Variants in ACTMAP observed in about 807,000 individuals in gnomAD.
The protein encoded by ACTMAP is UPF0692 protein C19orf54.
the ACTMAP span, chr19:40,744,894 A>G: frequency 1.2e-6 from 1 of 830,324 alleles, no homozygotes. Context: ...TCCTGGGAGG[A>G]GGAACCAAGG....
chr19:40,742,167 T>C, the ACTMAP span: 3 of 644,970 alleles, frequency 4.7e-6, no homozygotes, highest in South Asian at 1.5e-5. Flanking sequence ...CTCAAATGTC[T>C]AGTGAGATGA....
chr19:40,747,335 G>A, the ACTMAP span, among the ~76,000 whole-genome samples: 9 of 151,590 alleles, frequency 5.9e-5, no homozygotes, highest in Admixed American at 3.3e-4. Flanking sequence ...TCAGGAGTTC[G>A]AGACCAGCCT....
the ACTMAP span, chr19:40,742,144 A>G: frequency 1.7e-6 from 1 of 604,130 alleles, no homozygotes; most frequent in East Asian, 3.6e-5. Context: ...CAGAGGGCCC[A>G]GGCAGGAGGT....
At chr19:40,744,825 G>T in the ACTMAP span, 1 of 1,308,150 alleles carries the variant, frequency 7.6e-7, no homozygotes. Flanking sequence ...CTCCCCTTCA[G>T]GGGAGAGCCC....
At chr19:40,744,647 G>A in the ACTMAP span, 2 of 1,613,230 alleles carry the variant, frequency 1.2e-6, no homozygotes, top group Non-Finnish European at 1.7e-6. Context: ...GGGGCGACAG[G>A]AGAGTACCTG....
chr19:40,741,925 G>C, the ACTMAP span: 1 of 447,372 alleles, frequency 2.2e-6, no homozygotes, highest in Non-Finnish European at 4.5e-6. Context: ...TCTTCCCTGA[G>C]GTAGTGATAC....
the ACTMAP span, chr19:40,743,983 T>C: frequency 6.2e-7 from 1 of 1,614,038 alleles, no homozygotes. Context: ...TAGCTGGTGC[T>C]GGCATTAAGG....
At chr19:40,745,795 C>T in the ACTMAP span, among the ~76,000 whole-genome samples, 10 of 152,316 alleles carry the variant, frequency 6.6e-5, no homozygotes, top group African/African-American at 2.4e-4. Flanking sequence ...GCCTCAGCCT[C>T]CCGAGTAGCT....
At chr19:40,745,968 C>T in the ACTMAP span, among the ~76,000 whole-genome samples, 103 of 152,222 alleles carry the variant, frequency 6.8e-4, no homozygotes, top group African/African-American at 2.5e-3. Flanking sequence ...CCACCGTGCC[C>T]GACTCTTTTT....
chr19:40,744,531 T>C, the ACTMAP span: 7 of 1,611,760 alleles, frequency 4.3e-6, no homozygotes, highest in Non-Finnish European at 5.9e-6. Context: ...CATGAAGAGA[T>C]GATGGAGCAT....
the ACTMAP span, among the ~76,000 whole-genome samples, chr19:40,747,817 G>A: frequency 6.6e-6 from 1 of 152,122 alleles, no homozygotes. Flanking sequence ...AGTGAGCTGT[G>A]ATCCAGCTAC....
At chr19:40,743,053 C>A in the ACTMAP span, among the ~76,000 whole-genome samples, 2 of 152,096 alleles carry the variant, frequency 1.3e-5, no homozygotes, top group Admixed American at 6.6e-5. Flanking sequence ...ATCCTCAGCT[C>A]TTTAGGGAAG....
chr19:40,749,772 G>A, the ACTMAP span: 4 of 1,471,596 alleles, frequency 2.7e-6, no homozygotes, highest in Non-Finnish European at 2.7e-6. Flanking sequence ...AGAAATTGGT[G>A]GTTTTAGGGG....
At chr19:40,741,792 T>C in the ACTMAP span, 1 of 456,568 alleles carries the variant, frequency 2.2e-6, no homozygotes, top group Non-Finnish European at 4.4e-6. Flanking sequence ...GCACCCCCCT[T>C]ACAGGGTTGC....
At chr19:40,742,542 G>A in the ACTMAP span, 10 of 1,588,092 alleles carry the variant, frequency 6.3e-6, no homozygotes, top group African/African-American at 2.7e-5. Context: ...CCGTGAGGGC[G>A]AGAAGTCCGT....
the ACTMAP span, chr19:40,744,735 T>C: frequency 3.9e-6 from 6 of 1,544,392 alleles, no homozygotes; most frequent in Middle Eastern, 1.7e-4. Context: ...CCCCCTTACC[T>C]GGAAGCTGGA....
the ACTMAP span, chr19:40,743,858 C>T: frequency 2.7e-5 from 43 of 1,600,520 alleles, no homozygotes; most frequent in African/African-American, 1.6e-4. Flanking sequence ...TAATGGAGGC[C>T]GGGGAGACCC....
chr19:40,741,648 G>C, the ACTMAP span: 1 of 446,592 alleles, frequency 2.2e-6, no homozygotes, highest in South Asian at 1.6e-5. Flanking sequence ...CAGGGAGCCA[G>C]GAGACAGCCT....
chr19:40,749,899 T>A, the ACTMAP span: 1 of 1,027,396 alleles, frequency 9.7e-7, no homozygotes, highest in Non-Finnish European at 1.3e-6. Flanking sequence ...TTTAAAGGTT[T>A]AAGAGCTGAG....
Sources: allele counts gnomAD v4.1 joint callset (sites outside exome capture counted in the v4.1 genomes callset), GRCh38; gene constraint gnomAD v4.1.1; transcripts MANE v1.5; gene names NCBI Gene and HGNC (gene_info 2026-07-23, HGNC 2026-07-21).